Variants in STXBP5 observed in about 807,000 individuals in gnomAD.
The protein encoded by STXBP5 is syntaxin binding protein 5, also known as syntaxin-binding protein 5.
STXBP5 carries 50 observed loss-of-function variants against 152.4 expected under a neutral mutation model. The ratio of observed to expected loss-of-function variants is 0.33; its 90% confidence interval spans 0.26 to 0.42. The LOEUF (loss-of-function observed/expected upper bound fraction) is 0.42. Among genes scored for constraint, STXBP5 ranks in the 10% least tolerant of loss-of-function variants. The probability of loss-of-function intolerance (pLI) is 1.00; values close to 1 mark genes in which losing one functional copy is unlikely to be tolerated. For synonymous variants in STXBP5, 492 were observed against 494.7 expected, an observed-to-expected ratio of 0.99 and a Z score of 0.07; for missense variants, 1,167 against 1,388.6, an observed-to-expected ratio of 0.84 and a Z score of 2.54.
rs1783529723 is a variant in STXBP5, at chr6:147,330,782, C to G, written c.2081-3375C>G. On this transcript the variant is annotated intron_variant, in intron 18 of 27. Transcript: ENST00000321680. ...TTGTGAACCAGACAGGTAGAAGTGA[C>G]CTAAATACCTAGTTCAGTTTAATGA... Among the ~76,000 whole-genome samples, 3 of 152,036 alleles carry G rather than the reference C, an allele frequency of 2.0e-5. No homozygotes were observed. The South Asian group carries it at 6.2e-4, about 32-fold the overall frequency.
intron 26 of STXBP5, among the ~76,000 whole-genome samples, chr6:147,374,466 A>T (rs191071601): frequency 6.6e-6 from 1 of 152,196 alleles, no homozygotes; most frequent in African/African-American, 2.4e-5. Flanking sequence ...AGTTCAATGA[A>T]ATTTTTTTAA....
At position 147,310,130 on chromosome 6, in the gene STXBP5, GGAA is replaced by G; in HGVS notation, c.970_972del (p.Arg324del). The G allele has an allele frequency of 6.3e-7, 1 of 1,598,540 alleles. No homozygotes were observed. Among genetic ancestry groups the G allele is most frequent in the Non-Finnish European group, 8.5e-7 (1 of 1,175,194 alleles). On this transcript the variant is annotated inframe_deletion, in exon 10 of 28. Transcript: ENST00000321680. Reference sequence around the variant, plus strand: ...AGGAGGTTTGTCATATGATACTGTAGGAAGAAGACCTTGCTTAACAGTGATGCA... The same window carrying G: ...AGGAGGTTTGTCATATGATACTGTAGGAAGACCTTGCTTAACAGTGATGCA...
chr6:147,286,916 G>A (rs149871235), intron 8 of STXBP5, among the ~76,000 whole-genome samples: 125 of 151,858 alleles, frequency 8.2e-4, no homozygotes, highest in Non-Finnish European at 1.5e-3. Context: ...CTAAAATCAT[G>A]TGTATTAACA....
intron 2 of STXBP5, among the ~76,000 whole-genome samples, chr6:147,217,189 G>A (rs757389545): frequency 1.8e-4 from 28 of 151,516 alleles, no homozygotes; most frequent in Non-Finnish European, 2.2e-4. Flanking sequence ...TCCTTTGTGC[G>A]TTTGTCTCTT....
chr6:147,211,818 C>A (rs1361782442), intron 2 of STXBP5, among the ~76,000 whole-genome samples: 3 of 152,162 alleles, frequency 2.0e-5, no homozygotes, highest in Non-Finnish European at 4.4e-5. Context: ...TGAGTTCAAC[C>A]TCCCAAAACG....
Position 147,315,579 on chromosome 6 carries a change from T to A in STXBP5, c.1467T>A (p.Asp489Glu), listed in dbSNP as rs1330191466. The change falls in exon 15 of 28, where the codon GAT (aspartate) becomes GAA (glutamate). Residue 489 changes from aspartate to glutamate, a missense_variant. Around this residue, in one of 3 missense-constraint regions of STXBP5, gnomAD observed 833 missense variants for 986.3 expected, o/e 0.84. Transcript: ENST00000321680. ...TATTTGAAAAGTCAAGAAATAAAGATGACAGGCCAAACACAGACATTGTAG... is the reference window on the plus strand; with the variant it reads ...TATTTGAAAAGTCAAGAAATAAAGAAGACAGGCCAAACACAGACATTGTAG... The part of the protein sequence containing the change: ...SKVFEKSRNK[D>E]DRPNTDIVDE... 1.9e-6 allele frequency: 3 copies of A among 1,613,870 alleles called. No individual in the cohort carries two copies. Among genetic ancestry groups the A allele is most frequent in the Non-Finnish European group, 2.5e-6 (3 of 1,179,868 alleles).
chr6:147,239,258 T>A lies in STXBP5; in HGVS notation c.419T>A (p.Phe140Tyr). 6.2e-7 allele frequency: 1 copy of A among 1,613,580 alleles called. No individual in the cohort carries two copies. ...CCTGCCATACTACATTCGCTTAAAT[T>A]TTGCAGAGAAAGGTAAGAATTCTCC... Reference protein sequence around the residue: ...KRPAILHSLKFCRERVTFCHL... With the variant: ...KRPAILHSLKYCRERVTFCHL... Residue 140 changes from phenylalanine (F) to tyrosine (Y), a missense_variant, in exon 4 of 28, where the codon TTT becomes TAT. By Grantham distance (22) the Phe-to-Tyr change is conservative. Around this residue, in one of 3 missense-constraint regions of STXBP5, gnomAD observed 310 missense variants for 346.1 expected, o/e 0.90. Transcript: ENST00000321680.
chr6:147,372,216 T>C (rs1349764469), intron 25 of STXBP5, among the ~76,000 whole-genome samples: 3 of 151,918 alleles, frequency 2.0e-5, no homozygotes, highest in Admixed American at 6.6e-5. Context: ...TCCTCCCATA[T>C]GCAATCTGGG....
At chr6:147,256,889 G>A (rs1435780516) in intron 4 of STXBP5, among the ~76,000 whole-genome samples, 1 of 152,004 alleles carries the variant, frequency 6.6e-6, no homozygotes, top group African/African-American at 2.4e-5. Context: ...TTAATCTAAT[G>A]GTTAATTTCA....
chr6:147,291,983 T>A (rs901313680), intron 9 of STXBP5, among the ~76,000 whole-genome samples: 1 of 151,978 alleles, frequency 6.6e-6, no homozygotes, highest in Admixed American at 6.5e-5. Flanking sequence ...GATTCTCAGA[T>A]TCCACCCTAG....
rs1786476090 is a variant in STXBP5 at position 147,389,148 on chromosome 6, T to G, written c.*4393T>G. 1 of 151,746 alleles carries G rather than the reference T, an allele frequency of 6.6e-6. No homozygotes were observed. The highest frequency in any genetic ancestry group is 2.1e-4 in the South Asian group (1 of 4,838). 9.4% of individuals were successfully genotyped at this position (151,746 alleles called of 1,614,324 possible). Reference sequence around the variant, plus strand: ...ATGTGAAGATACTGTTTACAGCTTTTGTTAATTGCACTTTTCATCACTCTG... The same window carrying G: ...ATGTGAAGATACTGTTTACAGCTTTGGTTAATTGCACTTTTCATCACTCTG... On this transcript the variant is annotated 3_prime_UTR_variant, in exon 28 of 28. Coordinates refer to ENST00000321680, the MANE Select transcript of STXBP5 (RefSeq NM_001127715.4).
intron 16 of STXBP5, among the ~76,000 whole-genome samples, chr6:147,318,815 C>T (rs1231960939): frequency 3.3e-5 from 5 of 152,098 alleles, no homozygotes; most frequent in African/African-American, 1.2e-4. Flanking sequence ...TTTTCTGAAT[C>T]CTAAAATAAC....
At chr6:147,247,535 G>A (rs1295486534) in intron 4 of STXBP5, among the ~76,000 whole-genome samples, 2 of 152,146 alleles carry the variant, frequency 1.3e-5, no homozygotes, top group Admixed American at 6.5e-5. Context: ...TCAGAGGAAA[G>A]ACAGTTATGA....
At chr6:147,370,867 A>G (rs1785506902) in intron 25 of STXBP5, among the ~76,000 whole-genome samples, 1 of 152,030 alleles carries the variant, frequency 6.6e-6, no homozygotes, top group South Asian at 2.1e-4. Context: ...TACAATATAA[A>G]GTTTTCTTAA....
At chr6:147,296,342 A>G (rs1383382880) in intron 9 of STXBP5, among the ~76,000 whole-genome samples, 1 of 152,166 alleles carries the variant, frequency 6.6e-6, no homozygotes, top group Non-Finnish European at 1.5e-5. Context: ...GACGTCTACA[A>G]CCTAAGCCAC....
intron 9 of STXBP5, chr6:147,292,976 A>G (rs1230898874): frequency 6.6e-6 from 1 of 152,178 alleles, no homozygotes; most frequent in African/African-American, 2.4e-5. Context: ...TCAGTGGTGG[A>G]CTGTATATAC....
intron 4 of STXBP5, among the ~76,000 whole-genome samples, chr6:147,241,110 A>G (rs1044947478): frequency 2.0e-5 from 3 of 152,172 alleles, no homozygotes; most frequent in Non-Finnish European, 4.4e-5. Flanking sequence ...AAATTAACAG[A>G]CTTTATTTTT....
At chr6:147,335,102 TA>T (rs1783761821) in intron 19 of STXBP5, among the ~76,000 whole-genome samples, 2 of 152,202 alleles carry the variant, frequency 1.3e-5, no homozygotes, top group African/African-American at 4.8e-5. Context: ...GATTATTTCT[TA>T]AAGTTAAAAT....
At chr6:147,229,843 A>G (rs1777906343) in intron 2 of STXBP5, among the ~76,000 whole-genome samples, 1 of 151,478 alleles carries the variant, frequency 6.6e-6, no homozygotes, top group African/African-American at 2.4e-5. Context: ...TATTCTGAAC[A>G]CTTTTTTTTT....
Sources: allele counts gnomAD v4.1 joint callset (sites outside exome capture counted in the v4.1 genomes callset), GRCh38; gene constraint gnomAD v4.1.1; regional missense constraint gnomAD v4.1.1; transcripts MANE v1.5; gene names NCBI Gene and HGNC (gene_info 2026-07-23, HGNC 2026-07-21).